Variants in DFFA observed in about 807,000 individuals in gnomAD.
The protein encoded by DFFA is DNA fragmentation factor subunit alpha.
Under a neutral mutation model 28.0 loss-of-function variants are expected in DFFA, and 14 were observed. The observed-to-expected ratio is 0.50, with a 90% CI of 0.33 to 0.78. DFFA has a LOEUF of 0.78. Ranked by LOEUF, DFFA falls within the 30% of genes least tolerant of loss-of-function variation. The probability of loss-of-function intolerance (pLI) is 0.02; values close to 1 mark genes in which losing one functional copy is unlikely to be tolerated. For missense variants in DFFA, 395 were observed against 407.1 expected, an observed-to-expected ratio of 0.97 and a Z score of 0.26; for synonymous variants, 158 against 170.3, an observed-to-expected ratio of 0.93 and a Z score of 0.56.
At position 10,469,219 on chromosome 1, in the gene DFFA, C is replaced by T. The variant is rs1191696118; in HGVS notation, c.256G>A (p.Val86Met). 1.9e-6 allele frequency: 3 copies of T among 1,614,056 alleles called. No individual in the cohort carries two copies. The highest frequency in any genetic ancestry group is 2.5e-6 in the Non-Finnish European group (3 of 1,180,022). ...CATTTCTCATTACTAGCCAATGCCACAAACTTAGTATTGGAAGGTAGACAC... is the reference window on the plus strand; with the variant it reads ...CATTTCTCATTACTAGCCAATGCCATAAACTTAGTATTGGAAGGTAGACAC... ...FLCLPSNTKFVALASNEKWAY... is the reference protein window; with the variant it reads ...FLCLPSNTKFMALASNEKWAY... Residue 86 changes from valine (V) to methionine (M), a missense_variant, in exon 2 of 6, where the codon GTG (valine) becomes ATG (methionine). By Grantham distance (21) the Val-to-Met change is conservative. Transcript: ENST00000377038.
chr1:10,461,889 C>G (rs1217051406), intron 5 of DFFA, 187 bp from the exon 6 acceptor site: 1 of 981,770 alleles, frequency 1.0e-6, no homozygotes, highest in Non-Finnish European at 1.2e-6. Flanking sequence ...GAGTCTCGCT[C>G]TGTCACCCAG....
chr1:10,462,837 T>G, intron 5 of DFFA: 1 of 1,383,732 alleles, frequency 7.2e-7, no homozygotes, highest in Non-Finnish European at 9.4e-7. Flanking sequence ...TGGACCAGAG[T>G]CTGTTTGATG....
chr1:10,467,536 A>T (rs1204311058), intron 2 of DFFA, among the ~76,000 whole-genome samples: 1 of 149,694 alleles, frequency 6.7e-6, no homozygotes, highest in African/African-American at 2.5e-5. Flanking sequence ...TTTGAGACAG[A>T]GTCTCACTCT....
At position 10,465,997 on chromosome 1, in the gene DFFA, AAAT is replaced by A. The variant is rs754805067; in HGVS notation, c.441+1190_441+1192del. Among the ~76,000 whole-genome samples, 328 of 151,952 alleles carry A rather than the reference AAAT, an allele frequency of 2.2e-3. 3 individuals carry two copies. Among genetic ancestry groups the A allele is most frequent in the Non-Finnish European group, 2.2e-3 (148 of 67,960 alleles). ...AAAATTAAAAAAAAAAAAAAAGAAA[AAAT>A]AGCGCAGTGTGGTGGTGCAAGCCTA... On this transcript the variant is annotated intron_variant, in intron 3 of 5. Transcript: ENST00000377038.
At chr1:10,471,079 A>G (rs1225833402) in intron 1 of DFFA, among the ~76,000 whole-genome samples, 2 of 151,464 alleles carry the variant, frequency 1.3e-5, no homozygotes, top group African/African-American at 2.4e-5. Context: ...AAAAAAAAAA[A>G]AAGAAAATGC....
In DFFA at chr1:10,469,185, T is replaced by C. The variant is rs1641060717; in HGVS notation, c.290A>G (p.Asn97Ser). The change falls in exon 2 of 6, where the codon AAC (asparagine) becomes AGC (serine). Residue 97 changes from asparagine (N) to serine (S), a missense_variant. By Grantham distance (46) the Asn-to-Ser change is conservative. Coordinates refer to ENST00000377038, the MANE Select transcript of DFFA (RefSeq NM_004401.3). ...ALASNEKWAY[N>S]NSDGGTAWIS... is the part of the protein sequence containing the mutation. Reference sequence around the variant, plus strand: ...TGGCTAGAGTTTCTTACCTGAATTGTTGTATGCCCATTTCTCATTACTAGC... The same window carrying C: ...TGGCTAGAGTTTCTTACCTGAATTGCTGTATGCCCATTTCTCATTACTAGC... 1 of 1,614,160 alleles carries C rather than the reference T, an allele frequency of 6.2e-7. No individual in the cohort carries two copies. The highest frequency in any genetic ancestry group is 1.3e-5 in the African/African-American group (1 of 75,064).
At chr1:10,470,923 C>T (rs1157211852) in intron 1 of DFFA, among the ~76,000 whole-genome samples, 1 of 150,268 alleles carries the variant, frequency 6.7e-6, no homozygotes, top group Non-Finnish European at 1.5e-5. Flanking sequence ...ATTAGATGGG[C>T]GTGGTGGTGG....
intron 2 of DFFA, among the ~76,000 whole-genome samples, chr1:10,467,674 C>T (rs185810720): frequency 2.0e-5 from 3 of 152,220 alleles, no homozygotes; most frequent in South Asian, 4.1e-4. Context: ...CCATGACCAG[C>T]TAATTTTGGT....
In DFFA at chr1:10,463,608, C is replaced by T. The variant is rs140912423; in HGVS notation, c.454G>A (p.Ala152Thr). The change falls in exon 4 of 6, where the codon GCT becomes ACT. Residue 152 changes from alanine to threonine, a missense_variant. Transcript: ENST00000377038. ...SEEDLQMLVD[A>T]PCSDLAQELR... is the part of the protein sequence containing the mutation. ...TCCTGAGCCAGGTCTGAGCAGGGAGCGTCAACAAGCATCTAACAAACAAAC... is the reference window on the plus strand; with the variant it reads ...TCCTGAGCCAGGTCTGAGCAGGGAGTGTCAACAAGCATCTAACAAACAAAC... The T allele has an allele frequency of 4.9e-4, 788 of 1,610,256 alleles. No individual in the cohort carries two copies. Among genetic ancestry groups the T allele is most frequent in the Non-Finnish European group, 6.0e-4 (705 of 1,178,990 alleles).
rs973573523 is a variant in DFFA at position 10,472,045 on chromosome 1, G to A, written c.136+278C>T. Among the ~76,000 whole-genome samples the A allele has an allele frequency of 3.9e-5, 6 of 152,098 alleles. No homozygotes were observed. The highest frequency in any genetic ancestry group is 1.2e-4 in the African/African-American group (5 of 41,430). ...AGTGGGGTCCGTTTGGTCCAACATC[G>A]AAGTGATTTCAGGCAAGAGACCTAA... is the stretch of plus-strand genomic sequence containing the variant. On this transcript the variant is annotated intron_variant, in intron 1 of 5. Transcript: ENST00000377038. The surrounding 1 kb of genome is among the most constrained non-coding windows in gnomAD (Gnocchi z 5.0).
In DFFA at chr1:10,459,377, C is replaced by T. The variant is rs1412583583; in HGVS notation, c.*2113G>A. ...CTGCTTCACACCCAGAGACCTGGAG[C>T]CACAGCATGTGGAAATTGCTTTCAT... is the stretch of plus-strand genomic sequence containing the variant. On this transcript the variant is annotated 3_prime_UTR_variant, in exon 6 of 6. Coordinates refer to ENST00000377038, the MANE Select transcript of DFFA (RefSeq NM_004401.3). 6.6e-6 allele frequency: 1 copy of T among 152,010 alleles called. No homozygotes were observed. The highest frequency in any genetic ancestry group is 1.5e-5 in the Non-Finnish European group (1 of 68,016). 9.4% of individuals were successfully genotyped at this position (152,010 alleles called of 1,614,324 possible). A position where few individuals can be genotyped will look rare whatever the true frequency, so the allele number is the denominator to read the frequency against.
At chr1:10,462,940 G>T in intron 5 of DFFA, 118 bp downstream of exon 5, 1 of 1,516,160 alleles carries the variant, frequency 6.6e-7, no homozygotes, top group Non-Finnish European at 8.9e-7. Flanking sequence ...AGGCAAACTG[G>T]CAGCTAGGAT....
Position 10,463,206 on chromosome 1 carries a change from G to A in DFFA, c.635C>T (p.Ser212Phe), listed in dbSNP as rs1640974461. 6.2e-7 allele frequency: 1 copy of A among 1,613,850 alleles called. No individual in the cohort carries two copies. The highest frequency in any genetic ancestry group is 1.3e-5 in the African/African-American group (1 of 74,926). ...CACCTCCTCACCAAAGGCAGCTTTG[G>A]ACTCTGCAAAGGAGACACGAGACAG... ...EGSLLSKQEE[S>F]KAAFGEEVDA... The change falls in exon 5 of 6, where the codon TCC becomes TTC. Residue 212 changes from serine to phenylalanine, a missense_variant. Physicochemically the swap from Ser to Phe is radical, Grantham distance 155. Transcript: ENST00000377038.
chr1:10,467,436 T>A, intron 2 of DFFA, 104 bp from the exon 3 acceptor site: 1 of 1,267,678 alleles, frequency 7.9e-7, no homozygotes, highest in South Asian at 1.3e-5. Context: ...TTAATTTCAA[T>A]GGGAAAGAAG....
At chr1:10,461,895 C>T (rs1177637216) in intron 5 of DFFA, 193 bp from the exon 6 acceptor site, 4 of 982,230 alleles carry the variant, frequency 4.1e-6, no homozygotes, top group Non-Finnish European at 4.8e-6. Flanking sequence ...CGCTCTGTCA[C>T]CCAGGCTGGA....
In DFFA at chr1:10,461,346, G is replaced by GT; in HGVS notation, c.*143dup. The stretch of plus-strand genomic sequence containing the variant: ...CTAAAAAAAAAATTGGTGGAACGGC[G>GT]TATGTTGAGACCTGGAATAGCTTCT... On this transcript the variant is annotated 3_prime_UTR_variant, in exon 6 of 6. Coordinates refer to ENST00000377038, the MANE Select transcript of DFFA (RefSeq NM_004401.3). The GT allele has an allele frequency of 7.2e-7, 1 of 1,386,042 alleles. No individual in the cohort carries two copies. Among genetic ancestry groups the GT allele is most frequent in the Non-Finnish European group, 9.5e-7 (1 of 1,053,258 alleles). 85.9% of individuals were successfully genotyped at this position (1,386,042 alleles called of 1,614,324 possible). A position where few individuals can be genotyped will look rare whatever the true frequency, so the allele number is the denominator to read the frequency against.
rs1436665899 is a variant in DFFA at position 10,462,375 on chromosome 1, A to G, written c.784-673T>C. 7.3e-6 allele frequency: 7 copies of G among 964,306 alleles called. No individual in the cohort carries two copies. The East Asian group carries it at 3.4e-4, about 47-fold the overall frequency. 59.7% of individuals were successfully genotyped at this position (964,306 alleles called of 1,614,324 possible). On this transcript the variant is annotated intron_variant, in intron 5 of 5. Transcript: ENST00000377038. ...TCGAACTCCTGACCTCAGGTGATCCACCTGCCTCGGCCTCCCAAAGTACTG... is the reference window on the plus strand; with the variant it reads ...TCGAACTCCTGACCTCAGGTGATCCGCCTGCCTCGGCCTCCCAAAGTACTG...
chr1:10,463,347 G>A lies in DFFA; in HGVS notation c.631+84C>T, dbSNP rs976344855. 76 of 1,548,764 alleles carry A rather than the reference G, an allele frequency of 4.9e-5. 2 individuals carry two copies. In the East Asian group the frequency reaches 1.6e-3, roughly 32 times the overall value. On this transcript the variant is annotated intron_variant, in intron 4 of 5. Coordinates refer to ENST00000377038, the MANE Select transcript of DFFA (RefSeq NM_004401.3). ...AGCAGCCGCGGCTTCAGTGGCCCTG[G>A]CTACATCACAAATAGTGTCCTCCCA...
chr1:10,467,229 A>G lies in DFFA; in HGVS notation c.402T>C (p.Asp134=), dbSNP rs1388377593. The G allele has an allele frequency of 6.2e-7, 1 of 1,613,948 alleles. No individual in the cohort carries two copies. The highest frequency in any genetic ancestry group is 1.3e-5 in the African/African-American group (1 of 74,882). Residue 134 remains aspartate, a synonymous_variant, in exon 3 of 6, where the codon GAT becomes GAC. Coordinates refer to ENST00000377038, the MANE Select transcript of DFFA (RefSeq NM_004401.3). ...WKNVARQLKE[D]LSSIILLSEE... is the part of the protein sequence containing the mutation. ...CTGATAGGAGGATGATGCTGGACAG[A>G]TCTTCTTTCAGCTGCCTGGCCACAT...
Sources: gnomAD v4.1 joint callset for allele counts (sites outside exome capture counted in the v4.1 genomes callset) on GRCh38, gnomAD v4.1.1 for gene constraint, Gnocchi (gnomAD v3.1) non-coding constraint, MANE v1.5 for transcripts, NCBI Gene and HGNC (gene_info 2026-07-23, HGNC 2026-07-21) for gene names.